The following CAPS2 variants were observed in gnomAD, a reference collection of about 807,000 sequenced individuals.
CAPS2 encodes the protein calcyphosin-2.
Under a neutral mutation model 86.5 loss-of-function variants are expected in CAPS2, and 98 were observed. The observed-to-expected ratio is 1.13, with a 90% confidence interval of 0.96 to 1.34. The LOEUF (loss-of-function observed/expected upper bound fraction) is 1.34. Among genes scored for constraint, CAPS2 ranks in the 40% most tolerant of loss-of-function variants. The pLI, the probability that CAPS2 is intolerant of heterozygous loss-of-function variation, is 0.00. For missense variants in CAPS2, 729 were observed against 686.8 expected, an observed-to-expected ratio of 1.06 and a Z score of -0.69; for synonymous variants, 210 against 225.1, an observed-to-expected ratio of 0.93 and a Z score of 0.60.
intron 16 of CAPS2, among the ~76,000 whole-genome samples, chr12:75,280,310 C>T (rs1314447601): frequency 1.3e-5 from 2 of 151,750 alleles, no homozygotes; most frequent in South Asian, 2.1e-4. Context: ...TTATAATTTG[C>T]AATAATAAAT....
chr12:75,358,763 AT>A (rs1238570531), intron 1 of CAPS2, among the ~76,000 whole-genome samples: 1 of 144,658 alleles, frequency 6.9e-6, no homozygotes, highest in African/African-American at 2.5e-5. Flanking sequence ...AATATATTAT[AT>A]ATGTTTAAAT....
chr12:75,328,522 G>C (rs143925895), upstream of CAPS2, among the ~76,000 whole-genome samples: 128 of 152,258 alleles, frequency 8.4e-4, 1 homozygote, highest in Middle Eastern at 0.01. Flanking sequence ...GACCAAGAAG[G>C]TTGGCGTCTC....
intron 8 of CAPS2, 141 bp downstream of exon 8, chr12:75,304,616 C>G: frequency 3.6e-6 from 2 of 559,012 alleles, no homozygotes; most frequent in South Asian, 6.4e-5. Context: ...GAACTGGGAG[C>G]TGAACTCAAA....
At chr12:75,329,138 T>C (rs2041061087), upstream of CAPS2, among the ~76,000 whole-genome samples, 1 of 152,222 alleles carries the variant, frequency 6.6e-6, no homozygotes, top group Non-Finnish European at 1.5e-5. Context: ...TTTTCAGTAC[T>C]ACATCCTCAC....
chr12:75,293,457 T>C, intron 11 of CAPS2, 90 bp from the exon 12 acceptor site: 1 of 814,024 alleles, frequency 1.2e-6, no homozygotes, highest in South Asian at 1.5e-5. Context: ...TTTTGATTAA[T>C]GTGACACGAT....
At chr12:75,318,012 T>A (rs2039944334) in intron 5 of CAPS2, 1 of 152,070 alleles carries the variant, frequency 6.6e-6, no homozygotes, top group South Asian at 2.1e-4. Context: ...TCCCCCCGAG[T>A]CCCTGGCAAC....
chr12:75,326,713 C>T (rs2040820959), upstream of CAPS2, among the ~76,000 whole-genome samples: 1 of 152,048 alleles, frequency 6.6e-6, no homozygotes, highest in Admixed American at 6.5e-5. Context: ...ATAATGGGCC[C>T]CCAAAGAAGG....
At chr12:75,301,888 C>T (rs919958693) in intron 8 of CAPS2, among the ~76,000 whole-genome samples, 2 of 152,074 alleles carry the variant, frequency 1.3e-5, no homozygotes, top group South Asian at 2.1e-4. Context: ...AGTTCTCTAC[C>T]AATACATAAA....
intron 8 of CAPS2, among the ~76,000 whole-genome samples, chr12:75,302,185 G>A (rs192597477): frequency 1.1e-3 from 165 of 152,252 alleles, no homozygotes; most frequent in Admixed American, 3.3e-3. Flanking sequence ...AATAAATGGG[G>A]CATAAGAGGA....
intron 1 of CAPS2, among the ~76,000 whole-genome samples, chr12:75,384,497 T>G (rs1176185796): frequency 6.6e-6 from 1 of 152,144 alleles, no homozygotes; most frequent in East Asian, 1.9e-4. Context: ...TTTAAGAAAT[T>G]TAATTGATAA....
chr12:75,291,670 G>T, intron 13 of CAPS2, 74 bp downstream of exon 13: 1 of 566,414 alleles, frequency 1.8e-6, no homozygotes, highest in Non-Finnish European at 2.8e-6. Context: ...AAATATCTGG[G>T]AAAATGCTGT....
At chr12:75,325,622 TG>T (rs1305825680) in intron 1 of CAPS2, among the ~76,000 whole-genome samples, 2 of 152,146 alleles carry the variant, frequency 1.3e-5, no homozygotes, top group African/African-American at 4.8e-5. Flanking sequence ...TTTTTTTGTT[TG>T]TTTTTTTGTT....
chr12:75,280,621 G>C (rs576719728), intron 16 of CAPS2, among the ~76,000 whole-genome samples: 117 of 151,866 alleles, frequency 7.7e-4, no homozygotes, highest in Middle Eastern at 3.4e-3. Context: ...GACTAATTAA[G>C]AGAAACAGAT....
intron 2 of CAPS2, among the ~76,000 whole-genome samples, 182 bp from the exon 4 acceptor site, chr12:75,323,404 C>T (rs1389741389): frequency 6.6e-6 from 1 of 151,824 alleles, no homozygotes; most frequent in Non-Finnish European, 1.5e-5. Flanking sequence ...TAAACACATC[C>T]ATCATTAAAA....
chr12:75,278,106 A>G (rs867966209), exon 17 of CAPS2: 1 of 909,398 alleles, frequency 1.1e-6, no homozygotes, highest in Non-Finnish European at 1.3e-6. Context: ...TGATTTTAAT[A>G]AAGAACATTT....
chr12:75,299,001 T>G, intron 9 of CAPS2, 35 bp from the exon 10 acceptor site: 1 of 1,352,346 alleles, frequency 7.4e-7, no homozygotes, highest in Non-Finnish European at 1.0e-6. Context: ...CATCTTCAAA[T>G]AGAATAATTT....
At chr12:75,287,648 G>A (rs1259976078) in intron 14 of CAPS2, among the ~76,000 whole-genome samples, 1 of 152,144 alleles carries the variant, frequency 6.6e-6, no homozygotes, top group African/African-American at 2.4e-5. Flanking sequence ...TGGCACCCAG[G>A]GAGGGCATGA....
intron 1 of CAPS2, among the ~76,000 whole-genome samples, chr12:75,364,000 CG>C (rs2043796338): frequency 6.6e-6 from 1 of 152,092 alleles, no homozygotes; most frequent in African/African-American, 2.4e-5. Flanking sequence ...TAAAGGCTTA[CG>C]ATCAATAGAA....
chr12:75,354,586 CCATT>C lies in CAPS2; in HGVS notation c.-394-31368_-394-31365del, dbSNP rs2043029114. 3.3e-5 allele frequency among the ~76,000 whole-genome samples: 5 copies of C among 152,050 alleles called. No individual in the cohort carries two copies. In the South Asian group the frequency reaches 1.0e-3, roughly 32 times the overall value. On this transcript the variant is annotated intron_variant, in intron 1 of 5. Transcript: ENST00000551829. ...GTAATTTACAGATTCAATGCTATTCCCATTAAACTCATTGACATTCTTCACAGAA... is the reference window on the plus strand; with the variant it reads ...GTAATTTACAGATTCAATGCTATTCCAAACTCATTGACATTCTTCACAGAA...
Sources: gnomAD v4.1 joint callset for allele counts (sites outside exome capture counted in the v4.1 genomes callset) on GRCh38, gnomAD v4.1.1 for gene constraint, MANE v1.5 for transcripts, NCBI Gene and HGNC (gene_info 2026-07-23, HGNC 2026-07-21) for gene names.